The following B3GNT3 variants were observed in gnomAD, a reference collection of about 807,000 sequenced individuals.
The protein encoded by B3GNT3 is N-acetyllactosaminide beta-1,3-N-acetylglucosaminyltransferase 3.
B3GNT3 carries 7 observed loss-of-function variants against 11.6 expected under a neutral mutation model. The observed-to-expected ratio is 0.60, with a 90% CI of 0.34 to 1.13. The LOEUF (loss-of-function observed/expected upper bound fraction) is 1.13. Ranked by LOEUF, B3GNT3 falls within the 50% of genes most tolerant of loss-of-function variation. The probability of loss-of-function intolerance (pLI) is 0.03; values close to 1 mark genes in which losing one functional copy is unlikely to be tolerated. For synonymous variants in B3GNT3, 201 were observed against 222.1 expected (o/e 0.90, Z 0.85); for missense variants, 400 against 507.4 (o/e 0.79, Z 2.03).
At chr19:17,807,566 AG>A (rs1256886486) in intron 1 of B3GNT3, among the ~76,000 whole-genome samples, 191 bp from the exon 2 acceptor site, 4 of 151,952 alleles carry the variant, frequency 2.6e-5, no homozygotes, top group Non-Finnish European at 4.4e-5. Flanking sequence ...AGGGAGGGCC[AG>A]GGCACCTGTC....
chr19:17,804,692 G>A (rs1298493156), intron 1 of B3GNT3, among the ~76,000 whole-genome samples: 1 of 150,754 alleles, frequency 6.6e-6, no homozygotes, highest in East Asian at 2.0e-4. Context: ...CATGAGCCAT[G>A]AGCCACCACG....
chr19:17,809,498 G>A (rs1722268065), intron 2 of B3GNT3, among the ~76,000 whole-genome samples: 2 of 151,318 alleles, frequency 1.3e-5, no homozygotes, highest in African/African-American at 4.9e-5. Context: ...CCAGGCTGGA[G>A]TGCAGTGGTG....
intron 1 of B3GNT3, among the ~76,000 whole-genome samples, chr19:17,801,816 G>T (rs887691453): frequency 1.3e-5 from 2 of 152,054 alleles, no homozygotes; most frequent in Non-Finnish European, 2.9e-5. Context: ...GGCTGGGCAT[G>T]GTGGCTCACG....
chr19:17,812,549 G>A lies in B3GNT3; in HGVS notation c.*427G>A. ...TTCCAGGCCAGCCAGAAACTCCTGT[G>A]TCCACATAGAGCTGACGTGAGAAAT... is the stretch of plus-strand genomic sequence containing the variant. On this transcript the variant is annotated 3_prime_UTR_variant, in exon 3 of 3. Coordinates refer to ENST00000318683, the MANE Select transcript of B3GNT3 (RefSeq NM_014256.4). 5.4e-6 allele frequency: 1 copy of A among 183,722 alleles called. No homozygotes were observed. The highest frequency in any genetic ancestry group is 5.4e-5 in the Admixed American group (1 of 18,620). 11.4% of individuals were successfully genotyped at this position (183,722 alleles called of 1,614,324 possible).
intron 1 of B3GNT3, 47 bp downstream of exon 1, chr19:17,795,253 G>C (rs1451677009): frequency 2.0e-5 from 3 of 152,404 alleles, no homozygotes; most frequent in Non-Finnish European, 4.4e-5. Context: ...CCAGTGGTGG[G>C]GGTTTGGGGG....
rs1033172985 is a variant in B3GNT3, at chr19:17,812,816, G to T, written c.*694G>T. On this transcript the variant is annotated 3_prime_UTR_variant, in exon 3 of 3. Coordinates refer to ENST00000318683, the MANE Select transcript of B3GNT3 (RefSeq NM_014256.4). ...GAGCCCCCATCCCTGTGTTCCCCAA[G>T]AATTCAGAGAACAGCACTGGGGCTG... 1 of 152,340 alleles carries T rather than the reference G, an allele frequency of 6.6e-6. No homozygotes were observed. Among genetic ancestry groups the T allele is most frequent in the Non-Finnish European group, 1.5e-5 (1 of 68,164 alleles). The allele number at this position is 152,340 out of a possible 1,614,324, so 9.4% of individuals were successfully genotyped here.
At chr19:17,801,468 C>A (rs932216091) in intron 1 of B3GNT3, among the ~76,000 whole-genome samples, 6 of 150,870 alleles carry the variant, frequency 4.0e-5, no homozygotes, top group African/African-American at 1.5e-4. Context: ...AGGTACAAGC[C>A]ACCATACCCA....
intron 1 of B3GNT3, among the ~76,000 whole-genome samples, chr19:17,806,153 T>C (rs1358077241): frequency 6.6e-6 from 1 of 151,764 alleles, no homozygotes. Context: ...TTTTCTTTTT[T>C]TTTTTTTTGT....
chr19:17,808,204 G>A lies in B3GNT3; in HGVS notation c.397G>A (p.Glu133Lys). Reference sequence around the variant, plus strand: ...GCTGCTGCGGCGCACGTGGGGCCGCGAGCGCAAGGTACGGGGTTTGCAGCT... The same window carrying A: ...GCTGCTGCGGCGCACGTGGGGCCGCAAGCGCAAGGTACGGGGTTTGCAGCT... ...RELLRRTWGR[E>K]RKVRGLQLRL... The change falls in exon 2 of 3, where the codon GAG (glutamate) becomes AAG (lysine). Residue 133 changes from glutamate (E) to lysine (K), a missense_variant. Transcript: ENST00000318683. The A allele has an allele frequency of 1.2e-6, 2 of 1,611,642 alleles. No homozygotes were observed. Among genetic ancestry groups the A allele is most frequent in the Non-Finnish European group, 1.7e-6 (2 of 1,178,348 alleles).
At chr19:17,795,896 G>A (rs937064500) in intron 1 of B3GNT3, among the ~76,000 whole-genome samples, 2 of 152,138 alleles carry the variant, frequency 1.3e-5, no homozygotes, top group East Asian at 1.9e-4. Context: ...GTGTTAAGGG[G>A]GGGTCTCATG....
chr19:17,806,524 C>T (rs2094173159), intron 1 of B3GNT3, among the ~76,000 whole-genome samples: 1 of 152,128 alleles, frequency 6.6e-6, no homozygotes, highest in African/African-American at 2.4e-5. Flanking sequence ...GCCAGGTTCT[C>T]TTTGAGGGAT....
rs2094181366 is a variant in B3GNT3, at chr19:17,811,906, T to C, written c.903T>C (p.Gly301=). 6.2e-7 allele frequency: 1 copy of C among 1,613,786 alleles called. No homozygotes were observed. The highest frequency in any genetic ancestry group is 8.5e-7 in the Non-Finnish European group (1 of 1,180,012). The part of the protein sequence containing the change: ...DIFPIDDVFL[G]MCLELEGLKP... ...TCCCCATTGATGATGTCTTCCTGGG[T>C]ATGTGTCTGGAGCTTGAGGGACTGA... The change falls in exon 3 of 3, where the codon GGT becomes GGC. Residue 301 remains glycine, a synonymous_variant. Coordinates refer to ENST00000318683, the MANE Select transcript of B3GNT3 (RefSeq NM_014256.4). The surrounding 1 kb of genome is among the most constrained non-coding windows in gnomAD (Gnocchi z 4.1).
chr19:17,800,334 C>T (rs1226015318), intron 1 of B3GNT3, among the ~76,000 whole-genome samples: 1 of 152,036 alleles, frequency 6.6e-6, no homozygotes, highest in Non-Finnish European at 1.5e-5. Context: ...AAGATCACAC[C>T]ACTGCACTTC....
At position 17,807,909 on chromosome 19, in the gene B3GNT3, C is replaced by T; in HGVS notation, c.102C>T (p.Cys34=). The change falls in exon 2 of 3, where the codon TGC becomes TGT. Residue 34 remains cysteine (C), a synonymous_variant. Transcript: ENST00000318683. ...LFSLLVSPPT[C]KVQEQPPAIP... is the part of the protein sequence containing the mutation. ...GTCTGCTAGTGTCACCACCCACCTG[C>T]AAGGTCCAGGAGCAGCCACCGGCGA... is the stretch of plus-strand genomic sequence containing the variant. The T allele has an allele frequency of 6.2e-7, 1 of 1,613,578 alleles. No homozygotes were observed. Among genetic ancestry groups the T allele is most frequent in the South Asian group, 1.1e-5 (1 of 91,088 alleles).
intron 1 of B3GNT3, among the ~76,000 whole-genome samples, chr19:17,804,100 C>A (rs1444521877): frequency 6.6e-6 from 1 of 152,170 alleles, no homozygotes; most frequent in South Asian, 2.1e-4. Context: ...CTCCCACTGC[C>A]CAGAGGTTCC....
At chr19:17,806,305 C>T (rs988114171) in intron 1 of B3GNT3, among the ~76,000 whole-genome samples, 7 of 151,790 alleles carry the variant, frequency 4.6e-5, no homozygotes, top group South Asian at 2.1e-4. Context: ...TTTGTAGAGA[C>T]GGGGTTTCAC....
chr19:17,808,966 A>G (rs1419064079), intron 2 of B3GNT3, among the ~76,000 whole-genome samples: 1 of 151,976 alleles, frequency 6.6e-6, no homozygotes, highest in Non-Finnish European at 1.5e-5. Flanking sequence ...CCTCCCAAGT[A>G]GCTGGGATTA....
intron 1 of B3GNT3, among the ~76,000 whole-genome samples, chr19:17,805,707 C>T (rs529499865): frequency 5.9e-5 from 9 of 152,310 alleles, no homozygotes; most frequent in African/African-American, 2.2e-4. Flanking sequence ...TCCCATCATC[C>T]TTCAGGACCT....
intron 2 of B3GNT3, among the ~76,000 whole-genome samples, chr19:17,809,764 T>TA (rs900401266): frequency 4.0e-5 from 6 of 151,778 alleles, no homozygotes; most frequent in African/African-American, 9.7e-5. Context: ...TCTATTTTTT[T>TA]AAAAAAAGAA....
Sources: allele counts gnomAD v4.1 joint callset (sites outside exome capture counted in the v4.1 genomes callset), GRCh38; gene constraint gnomAD v4.1.1; non-coding constraint Gnocchi (gnomAD v3.1); transcripts MANE v1.5; gene names NCBI Gene and HGNC (gene_info 2026-07-23, HGNC 2026-07-21).